The following NUTF2 variants were observed in gnomAD, a reference collection of about 807,000 sequenced individuals.
The protein encoded by NUTF2 is placental protein 15.
Under a neutral mutation model 18.5 loss-of-function variants are expected in NUTF2, and 3 were observed. The ratio of observed to expected loss-of-function variants is 0.16; its 90% CI spans 0.07 to 0.42. The LOEUF is 0.42. NUTF2 is among the 10% of genes least tolerant of loss of function. The pLI, the probability that NUTF2 is intolerant of heterozygous loss-of-function variation, is 0.99. For synonymous variants in NUTF2, 51 were observed against 57.9 expected (o/e 0.88, Z 0.54); for missense variants, 44 against 160.7 (o/e 0.27, Z 3.93).
Position 67,870,940 on chromosome 16 carries a change from G to C in NUTF2, c.*27G>C. Reference sequence around the variant, plus strand: ...CTCCTCTCAGCTAGGCACTCACGCTGTTTCCTCCTCCCTCCTCTTCCCAAT... The same window carrying C: ...CTCCTCTCAGCTAGGCACTCACGCTCTTTCCTCCTCCCTCCTCTTCCCAAT... On this transcript the variant is annotated 3_prime_UTR_variant, in exon 5 of 5. Transcript: ENST00000219169. 6.7e-7 allele frequency: 1 copy of C among 1,493,654 alleles called. No individual in the cohort carries two copies. The highest frequency in any genetic ancestry group is 1.7e-5 in the Admixed American group (1 of 59,776). The allele number at this position is 1,493,654 out of a possible 1,614,324, so 92.5% of individuals were successfully genotyped here.
chr16:67,858,106 C>T (rs1386595665), intron 1 of NUTF2, among the ~76,000 whole-genome samples: 1 of 152,184 alleles, frequency 6.6e-6, no homozygotes. Context: ...CAATGTCATG[C>T]AGTGATAAGT....
chr16:67,851,929 T>C (rs2057861938), intron 1 of NUTF2, among the ~76,000 whole-genome samples: 3 of 152,012 alleles, frequency 2.0e-5, no homozygotes, highest in Admixed American at 6.6e-5. Flanking sequence ...GGCAGGAGAC[T>C]CGCTTGAACC....
chr16:67,869,023 C>T (rs1371489049), intron 4 of NUTF2, among the ~76,000 whole-genome samples: 3 of 149,220 alleles, frequency 2.0e-5, no homozygotes, highest in Non-Finnish European at 4.5e-5. Context: ...TGCTACCACT[C>T]CTCAGGCTGG....
In NUTF2 at chr16:67,857,065, G is replaced by A. The variant is rs114998938; in HGVS notation, c.-29-8037G>A. On this transcript the variant is annotated intron_variant, in intron 1 of 4. Transcript: ENST00000219169. ...ATTCCCTGCTCTTCTCAGTCTCAGC[G>A]TGTCACAACAGTGTTGGCCAGGCCA... is the stretch of plus-strand genomic sequence containing the variant. Among the ~76,000 whole-genome samples, 430 of 152,284 alleles carry A rather than the reference G, an allele frequency of 2.8e-3. 4 individuals carry two copies. Among genetic ancestry groups the A allele is most frequent in the African/African-American group, 1.0e-2 (414 of 41,538 alleles).
At chr16:67,867,829 A>G (rs761140473) in intron 2 of NUTF2, among the ~76,000 whole-genome samples, 1 of 152,188 alleles carries the variant, frequency 6.6e-6, no homozygotes, top group Non-Finnish European at 1.5e-5. Context: ...CTGGGATTAC[A>G]GGCGTGCGCC....
chr16:67,853,770 C>T (rs1256324174), intron 1 of NUTF2, among the ~76,000 whole-genome samples: 1 of 152,108 alleles, frequency 6.6e-6, no homozygotes, highest in Non-Finnish European at 1.5e-5. Context: ...CTCAGCCTCC[C>T]AAAGTCCTGG....
In NUTF2 at chr16:67,859,477, G is replaced by T. The variant is rs184319464; in HGVS notation, c.-29-5625G>T. Among the ~76,000 whole-genome samples, 161 of 151,878 alleles carry T rather than the reference G, an allele frequency of 1.1e-3. 2 individuals carry two copies. In the Middle Eastern group the frequency reaches 0.031, roughly 29 times the overall value. ...CGATTCTCCTGCCTCAACCTCCTGAGTAGCTGGGATTACAGGGAAAAATTA... is the reference window on the plus strand; with the variant it reads ...CGATTCTCCTGCCTCAACCTCCTGATTAGCTGGGATTACAGGGAAAAATTA... On this transcript the variant is annotated intron_variant, in intron 1 of 4. Transcript: ENST00000219169.
At chr16:67,849,862 G>A (rs1439332641) in intron 1 of NUTF2, among the ~76,000 whole-genome samples, 2 of 151,814 alleles carry the variant, frequency 1.3e-5, no homozygotes, top group East Asian at 3.9e-4. Context: ...GTTTCACCGT[G>A]TTAGCCAGGA....
At chr16:67,860,273 C>G (rs1481791159) in intron 1 of NUTF2, among the ~76,000 whole-genome samples, 2 of 152,130 alleles carry the variant, frequency 1.3e-5, no homozygotes, top group Non-Finnish European at 2.9e-5. Flanking sequence ...GCCATCATGC[C>G]CAGCCTTTTT....
intron 2 of NUTF2, among the ~76,000 whole-genome samples, chr16:67,867,323 T>TAAAATATAAGACTTTTTAGCAA: frequency 6.6e-6 from 1 of 152,342 alleles, no homozygotes; most frequent in African/African-American, 2.4e-5. Flanking sequence ...AGCAAGGTCC[T>TAAAATATAAGACTTTTTAGCAA]AAAAGAACAA....
chr16:67,864,084 A>G lies in NUTF2; in HGVS notation c.-29-1018A>G, dbSNP rs1239941239. Among the ~76,000 whole-genome samples the G allele has an allele frequency of 2.0e-5, 3 of 152,204 alleles. No individual in the cohort carries two copies. In the East Asian group the frequency reaches 5.8e-4, roughly 29 times the overall value. ...CTCTGATCCTTGAACTCATGTCCCC[A>G]GCTCTGAAGTGGGTAGGAGTCACTC... is the stretch of plus-strand genomic sequence containing the variant. On this transcript the variant is annotated intron_variant, in intron 1 of 4. Transcript: ENST00000219169.
intron 1 of NUTF2, among the ~76,000 whole-genome samples, chr16:67,854,108 G>A (rs984499594): frequency 4.6e-5 from 7 of 152,198 alleles, no homozygotes; most frequent in Non-Finnish European, 8.8e-5. Context: ...GCGCCACCAC[G>A]CCCAGCTAAA....
At position 67,872,299 on chromosome 16, in the gene NUTF2, C is replaced by T. The variant is rs1392370053; in HGVS notation, c.*1386C>T. On this transcript the variant is annotated 3_prime_UTR_variant, in exon 5 of 5. Transcript: ENST00000219169. Reference sequence around the variant, plus strand: ...ATGTAAAAGGATACCCTTCCCCTGTCCCACTACGGGTGGAGGCTAAGGACC... The same window carrying T: ...ATGTAAAAGGATACCCTTCCCCTGTTCCACTACGGGTGGAGGCTAAGGACC... The T allele has an allele frequency of 6.6e-6, 1 of 152,264 alleles. No individual in the cohort carries two copies. Among genetic ancestry groups the T allele is most frequent in the African/African-American group, 2.4e-5 (1 of 41,460 alleles). The allele number at this position is 152,264 out of a possible 1,614,324, so 9.4% of individuals were successfully genotyped here.
chr16:67,870,429 T>C, intron 4 of NUTF2: 1 of 187,204 alleles, frequency 5.3e-6, no homozygotes, highest in South Asian at 1.1e-4. Flanking sequence ...GTTTTTTTGA[T>C]ACTCTATAAG....
chr16:67,862,993 AC>A (rs1168737707), intron 1 of NUTF2, among the ~76,000 whole-genome samples: 3 of 152,096 alleles, frequency 2.0e-5, no homozygotes, highest in Non-Finnish European at 2.9e-5. Flanking sequence ...TGGGTATGGC[AC>A]CTTGGAAGCT....
chr16:67,863,653 G>T (rs1180583795), intron 1 of NUTF2, among the ~76,000 whole-genome samples: 1 of 152,210 alleles, frequency 6.6e-6, no homozygotes, highest in Admixed American at 6.5e-5. Flanking sequence ...GCAGTGACTT[G>T]CATCAGATCC....
intron 4 of NUTF2, 195 bp downstream of exon 4, chr16:67,868,794 A>G (rs2057992287): frequency 3.9e-6 from 2 of 514,278 alleles, no homozygotes. Flanking sequence ...TTAAGATTAA[A>G]TAAAATGTAC....
chr16:67,859,646 C>T (rs1015494792), intron 1 of NUTF2, among the ~76,000 whole-genome samples: 1 of 152,050 alleles, frequency 6.6e-6, no homozygotes, highest in Non-Finnish European at 1.5e-5. Context: ...GCGTGAGCCA[C>T]CGCGCCTGAC....
At chr16:67,869,789 A>G (rs1326729110) in intron 4 of NUTF2, among the ~76,000 whole-genome samples, 3 of 152,228 alleles carry the variant, frequency 2.0e-5, no homozygotes, top group East Asian at 3.9e-4. Context: ...CTGTCTCTAA[A>G]TAAATAAATA....
Sources: allele counts gnomAD v4.1 joint callset (sites outside exome capture counted in the v4.1 genomes callset), GRCh38; gene constraint gnomAD v4.1.1; transcripts MANE v1.5; gene names NCBI Gene and HGNC (gene_info 2026-07-23, HGNC 2026-07-21).